Variants in RSRC1 observed in about 807,000 individuals in gnomAD.
RSRC1 encodes arginine and serine rich coiled-coil 1, also known as serine/Arginine-related protein 53.
In RSRC1, 39 loss-of-function variants were observed where a neutral mutation model predicts 49.1. That is an observed-to-expected ratio of 0.79 (90% CI 0.61 to 1.04). RSRC1 has a LOEUF of 1.04. Ranked by LOEUF, RSRC1 falls within the 50% of genes least tolerant of loss-of-function variation. The pLI is 0.00. For synonymous variants in RSRC1, 143 were observed against 130.8 expected, an observed-to-expected ratio of 1.09 and a Z score of -0.63; for missense variants, 388 against 402.4, an observed-to-expected ratio of 0.96 and a Z score of 0.31.
intron 3 of RSRC1, among the ~76,000 whole-genome samples, chr3:158,188,462 C>T (rs750396477): frequency 2.0e-5 from 3 of 151,936 alleles, no homozygotes; most frequent in Non-Finnish European, 4.4e-5. Flanking sequence ...ACACATCCAC[C>T]AGGCTTTTGT....
chr3:158,314,391 C>A (rs1728298613), intron 5 of RSRC1, among the ~76,000 whole-genome samples: 1 of 130,634 alleles, frequency 7.7e-6, no homozygotes, highest in South Asian at 2.6e-4. Context: ...CTGTGCCCAA[C>A]CGAAAAAAAA....
At chr3:158,405,454 CAG>C (rs1734116465) in intron 6 of RSRC1, among the ~76,000 whole-genome samples, 4 of 152,124 alleles carry the variant, frequency 2.6e-5, no homozygotes, top group South Asian at 2.1e-4. Context: ...TCAGAACTAA[CAG>C]AATGTTATTT....
intron 4 of RSRC1, among the ~76,000 whole-genome samples, chr3:158,217,405 A>G (rs1246856137): frequency 6.6e-6 from 1 of 151,774 alleles, no homozygotes; most frequent in Non-Finnish European, 1.5e-5. Flanking sequence ...TGAGGCATGG[A>G]GTAAACGGTC....
chr3:158,337,614 T>G (rs944708941), intron 5 of RSRC1, among the ~76,000 whole-genome samples: 5 of 152,196 alleles, frequency 3.3e-5, no homozygotes, highest in African/African-American at 1.2e-4. Flanking sequence ...CTTTCTTCCC[T>G]TTCTATATTC....
chr3:158,511,194 G>A (rs1740152013), intron 7 of RSRC1, among the ~76,000 whole-genome samples: 1 of 151,866 alleles, frequency 6.6e-6, no homozygotes, highest in Non-Finnish European at 1.5e-5. Context: ...CCATGCTGGT[G>A]CACTGCACCC....
At chr3:158,152,122 A>G (rs1717578442) in intron 3 of RSRC1, among the ~76,000 whole-genome samples, 1 of 151,980 alleles carries the variant, frequency 6.6e-6, no homozygotes, top group African/African-American at 2.4e-5. Context: ...GGAGACGAGT[A>G]TAAAGTAGGA....
At chr3:158,162,198 A>T (rs975589153) in intron 3 of RSRC1, among the ~76,000 whole-genome samples, 1 of 152,158 alleles carries the variant, frequency 6.6e-6, no homozygotes, top group East Asian at 1.9e-4. Flanking sequence ...GGCTTCTCAA[A>T]ATACTCTAAG....
intron 4 of RSRC1, among the ~76,000 whole-genome samples, chr3:158,250,071 T>A (rs763171373): frequency 6.6e-6 from 1 of 152,224 alleles, no homozygotes; most frequent in Non-Finnish European, 1.5e-5. Flanking sequence ...GTGAAGTTTG[T>A]CTTTCTGTGC....
In RSRC1 at chr3:158,364,746, T is replaced by G. The variant is rs995362957; in HGVS notation, c.583+9838T>G. 3.3e-5 allele frequency among the ~76,000 whole-genome samples: 5 copies of G among 151,692 alleles called. No individual in the cohort carries two copies. In the East Asian group the frequency reaches 7.7e-4, roughly 23 times the overall value. On this transcript the variant is annotated intron_variant, in intron 6 of 9. Transcript: ENST00000611884. ...TTGGGTGCCATTCCTAGCTCTCATC[T>G]TTACTGATGAAACCATAGGAAAATT...
intron 3 of RSRC1, among the ~76,000 whole-genome samples, chr3:158,194,620 T>C (rs1720453432): frequency 6.6e-6 from 1 of 151,546 alleles, no homozygotes; most frequent in Non-Finnish European, 1.5e-5. Flanking sequence ...TAACATTTGG[T>C]ATATATCCTA....
At chr3:158,229,071 C>T (rs1481336970) in intron 4 of RSRC1, among the ~76,000 whole-genome samples, 1 of 101,572 alleles carries the variant, frequency 9.8e-6, no homozygotes, top group South Asian at 2.9e-4. Context: ...TGTATAAACA[C>T]GTGTATATGT....
intron 4 of RSRC1, among the ~76,000 whole-genome samples, chr3:158,219,350 T>C (rs1298628460): frequency 6.6e-6 from 1 of 151,516 alleles, no homozygotes; most frequent in African/African-American, 2.4e-5. Context: ...GAATAGATGA[T>C]ATATTTCAGA....
At chr3:158,350,889 C>T (rs1730835227) in intron 5 of RSRC1, among the ~76,000 whole-genome samples, 1 of 152,124 alleles carries the variant, frequency 6.6e-6, no homozygotes, top group Non-Finnish European at 1.5e-5. Flanking sequence ...GAAATTTTAG[C>T]ACGCAGGCCC....
chr3:158,190,298 T>G (rs773289049), intron 3 of RSRC1, among the ~76,000 whole-genome samples: 6 of 152,022 alleles, frequency 3.9e-5, no homozygotes, highest in Non-Finnish European at 7.4e-5. Context: ...GGACTGTTCT[T>G]GCATTATGAT....
At chr3:158,378,500 T>G (rs931255317) in intron 6 of RSRC1, among the ~76,000 whole-genome samples, 1 of 152,256 alleles carries the variant, frequency 6.6e-6, no homozygotes, top group Admixed American at 6.5e-5. Context: ...TATTGTCTTT[T>G]GTTTTAGCAG....
chr3:158,250,664 A>G (rs1023039634), intron 4 of RSRC1, among the ~76,000 whole-genome samples: 17 of 152,140 alleles, frequency 1.1e-4, no homozygotes, highest in African/African-American at 3.4e-4. Flanking sequence ...AAATCAGATC[A>G]TAATATTTTT....
At chr3:158,491,589 G>T (rs895449795) in intron 7 of RSRC1, among the ~76,000 whole-genome samples, 5 of 152,072 alleles carry the variant, frequency 3.3e-5, no homozygotes, top group African/African-American at 1.2e-4. Context: ...ATTGACAACT[G>T]GTAAAAGGGG....
rs1432330905 is a variant in RSRC1 at position 158,494,262 on chromosome 3, A to G, written c.652+33259A>G. On this transcript the variant is annotated intron_variant, in intron 7 of 9. Coordinates refer to ENST00000611884, the MANE Select transcript of RSRC1 (RefSeq NM_001271838.2). ...ACAGCAAGTTACTCTGTAGGCATTC[A>G]TAATGCACTGGTAAATATTTGTGTC... Among the ~76,000 whole-genome samples the G allele has an allele frequency of 2.6e-5, 4 of 152,208 alleles. No homozygotes were observed. The South Asian group carries it at 6.2e-4, about 24-fold the overall frequency.
At chr3:158,250,400 C>T (rs1445484178) in intron 4 of RSRC1, among the ~76,000 whole-genome samples, 2 of 152,168 alleles carry the variant, frequency 1.3e-5, no homozygotes, top group Non-Finnish European at 1.5e-5. Context: ...CACTGTTCTC[C>T]ATAGTGGTTG....
Sources: gnomAD v4.1 joint callset for allele counts (sites outside exome capture counted in the v4.1 genomes callset) on GRCh38, gnomAD v4.1.1 for gene constraint, MANE v1.5 for transcripts, NCBI Gene and HGNC (gene_info 2026-07-23, HGNC 2026-07-21) for gene names.